ICA1: variants seen among roughly 807,000 people sequenced by gnomAD.
ICA1 encodes the protein 69 kDa islet cell autoantigen.
ICA1 carries 40 observed loss-of-function variants against 71.0 expected under a neutral mutation model. The ratio of observed to expected loss-of-function variants is 0.56; its 90% CI spans 0.44 to 0.73. ICA1 has a LOEUF of 0.73. Ranked by LOEUF, ICA1 falls within the 30% of genes least tolerant of loss-of-function variation. ICA1 has a pLI of 0.00. For missense variants in ICA1, 578 were observed against 576.5 expected, an observed-to-expected ratio of 1.00 and a Z score of -0.03; for synonymous variants, 207 against 209.5, an observed-to-expected ratio of 0.99 and a Z score of 0.10.
chr7:8,174,264 A>G (rs1346975783), intron 6 of ICA1, among the ~76,000 whole-genome samples: 2 of 152,212 alleles, frequency 1.3e-5, no homozygotes, highest in Non-Finnish European at 2.9e-5. Context: ...AATAGAGAAC[A>G]TGATCTTTCC....
rs1791728925 is a variant in ICA1 at position 8,132,251 on chromosome 7, G to T, written c.1061-4109C>A. ...TCCCCTCCTTCCTGAAGCCTGCTCT[G>T]TTCCCACCATTATTCAGATCCAGCA... On this transcript the variant is annotated intron_variant, in intron 12 of 13. Transcript: ENST00000402384. This position sits in a 1 kb window ranked among gnomAD's most constrained non-coding sequence, Gnocchi z 4.5. 2.0e-5 allele frequency among the ~76,000 whole-genome samples: 3 copies of T among 152,144 alleles called. No individual in the cohort carries two copies. The South Asian group carries it at 6.2e-4, about 32-fold the overall frequency.
At chr7:8,142,984 A>C (rs568890114) in intron 9 of ICA1, among the ~76,000 whole-genome samples, 1 of 152,388 alleles carries the variant, frequency 6.6e-6, no homozygotes, top group South Asian at 2.1e-4. Context: ...CTGTGGGACA[A>C]AAAATATATC....
At chr7:8,140,474 C>A (rs1450893195) in intron 10 of ICA1, among the ~76,000 whole-genome samples, 1 of 152,188 alleles carries the variant, frequency 6.6e-6, no homozygotes, top group African/African-American at 2.4e-5. Flanking sequence ...TGTGTCCTCT[C>A]CATCACATGT....
At chr7:8,136,787 G>C (rs1414536936) in intron 12 of ICA1, among the ~76,000 whole-genome samples, 1 of 152,172 alleles carries the variant, frequency 6.6e-6, no homozygotes, top group African/African-American at 2.4e-5. Flanking sequence ...CTCAAAAAAG[G>C]GGGTATGGAC....
chr7:8,197,205 A>C (rs1787927043), intron 6 of ICA1, among the ~76,000 whole-genome samples: 1 of 152,030 alleles, frequency 6.6e-6, no homozygotes, highest in South Asian at 2.1e-4. Flanking sequence ...GAGAAAAGAT[A>C]ATAAAAATTA....
intron 8 of ICA1, among the ~76,000 whole-genome samples, chr7:8,151,956 C>A (rs985156835): frequency 6.6e-6 from 1 of 152,140 alleles, no homozygotes; most frequent in African/African-American, 2.4e-5. Flanking sequence ...GTTTCCTTAG[C>A]GTTAAAATCT....
chr7:8,186,730 A>T (rs1784024506), intron 6 of ICA1, among the ~76,000 whole-genome samples: 1 of 152,214 alleles, frequency 6.6e-6, no homozygotes, highest in South Asian at 2.1e-4. Context: ...AAGATATCAC[A>T]AGTGTACTTT....
intron 12 of ICA1, among the ~76,000 whole-genome samples, chr7:8,131,958 G>A (rs1324807509): frequency 6.6e-6 from 1 of 152,162 alleles, no homozygotes; most frequent in African/African-American, 2.4e-5. Context: ...CTGGGTTATG[G>A]TGCCCCAATC....
intron 4 of ICA1, among the ~76,000 whole-genome samples, chr7:8,225,301 T>C (rs6951310): frequency 2.6e-5 from 4 of 152,158 alleles, no homozygotes; most frequent in African/African-American, 9.7e-5. Flanking sequence ...TCTCTTCATA[T>C]AGATTTAAGG....
intron 8 of ICA1, among the ~76,000 whole-genome samples, chr7:8,146,708 AAGTC>A: frequency 6.7e-6 from 1 of 149,814 alleles, no homozygotes. Flanking sequence ...CTTCCAGTGA[AAGTC>A]AGGCACGTGT....
At chr7:8,143,752 A>G in intron 9 of ICA1, 123 bp downstream of exon 9, 1 of 659,990 alleles carries the variant, frequency 1.5e-6, no homozygotes, top group Admixed American at 2.6e-5. Context: ...TAATACATCT[A>G]CTCTGAGAAG....
chr7:8,158,024 G>T (rs1211210568), intron 7 of ICA1, among the ~76,000 whole-genome samples: 2 of 152,096 alleles, frequency 1.3e-5, no homozygotes, highest in Non-Finnish European at 2.9e-5. Flanking sequence ...ACAACATCCA[G>T]CATTCTGCAT....
chr7:8,175,454 T>A (rs1270253352), intron 6 of ICA1, among the ~76,000 whole-genome samples: 1 of 152,210 alleles, frequency 6.6e-6, no homozygotes, highest in African/African-American at 2.4e-5. Flanking sequence ...GCTGAATTTA[T>A]AGGAGTTTAA....
chr7:8,167,204 C>G (rs1806329730), intron 6 of ICA1, among the ~76,000 whole-genome samples: 2 of 152,132 alleles, frequency 1.3e-5, no homozygotes, highest in South Asian at 4.1e-4. Context: ...TTCATAATAG[C>G]AAAGATATGG....
chr7:8,122,658 G>T (rs1380147664), intron 13 of ICA1, among the ~76,000 whole-genome samples: 1 of 152,266 alleles, frequency 6.6e-6, no homozygotes, highest in African/African-American at 2.4e-5. Context: ...GCTAAGCCAG[G>T]AATGGCAGGA....
chr7:8,236,870 C>G (rs1430192820), intron 1 of ICA1: 1 of 152,304 alleles, frequency 6.6e-6, no homozygotes, highest in Non-Finnish European at 1.5e-5. Context: ...TGGCCAGAGG[C>G]AAAACCTCTA....
rs187619623 is a variant in ICA1, at chr7:8,172,620, T to C, written c.580-13968A>G. Among the ~76,000 whole-genome samples the C allele has an allele frequency of 9.8e-5, 15 of 152,296 alleles. No individual in the cohort carries two copies. In the East Asian group the frequency reaches 2.7e-3, roughly 27 times the overall value. On this transcript the variant is annotated intron_variant, in intron 6 of 13. Transcript: ENST00000402384. ...TAAATAGGGTTGGTCTGGTGTTAGATTTAAAATAAACTCATTCTGCTTTGA... is the reference window on the plus strand; with the variant it reads ...TAAATAGGGTTGGTCTGGTGTTAGACTTAAAATAAACTCATTCTGCTTTGA...
intron 13 of ICA1, among the ~76,000 whole-genome samples, chr7:8,121,963 G>A (rs567034940): frequency 3.3e-5 from 5 of 152,318 alleles, no homozygotes; most frequent in African/African-American, 9.6e-5. Flanking sequence ...GAGTGATTAA[G>A]TACAGGTTGT....
chr7:8,219,580 G>C (rs913889992), intron 5 of ICA1, among the ~76,000 whole-genome samples: 8 of 152,152 alleles, frequency 5.3e-5, no homozygotes, highest in African/African-American at 1.9e-4. Context: ...TTGAGTACTT[G>C]TATAAGAATA....
Sources: gnomAD v4.1 joint callset for allele counts (sites outside exome capture counted in the v4.1 genomes callset) on GRCh38, gnomAD v4.1.1 for gene constraint, Gnocchi (gnomAD v3.1) non-coding constraint, MANE v1.5 for transcripts, NCBI Gene and HGNC (gene_info 2026-07-23, HGNC 2026-07-21) for gene names.